CTNNA3: variants seen among roughly 807,000 people sequenced by gnomAD.
The protein encoded by CTNNA3 is catenin alpha-3.
CTNNA3 carries 76 observed loss-of-function variants against 95.7 expected under a neutral mutation model. That is an observed-to-expected ratio of 0.79 (90% CI 0.66 to 0.96). The LOEUF (loss-of-function observed/expected upper bound fraction) is 0.96, where lower values mean the gene tolerates loss of function less well. Ranked by LOEUF, CTNNA3 falls within the 40% of genes least tolerant of loss-of-function variation. CTNNA3 has a pLI of 0.00. For synonymous variants in CTNNA3, 431 were observed against 374.4 expected (o/e 1.15, Z -1.74); for missense variants, 1,191 against 1,089.8 (o/e 1.09, Z -1.31).
chr10:66,621,826 C>T (rs1345648859), intron 9 of CTNNA3, 42 bp from the exon 10 acceptor site: 2 of 1,248,144 alleles, frequency 1.6e-6, no homozygotes, highest in South Asian at 1.3e-5. Flanking sequence ...TTTAGATTAG[C>T]AAGGAAATGC....
At position 66,447,420 on chromosome 10, in the gene CTNNA3, G is replaced by A. The variant is rs28785479; in HGVS notation, c.1532-68068C>T. Among the ~76,000 whole-genome samples, 365 of 85,230 alleles carry A rather than the reference G, an allele frequency of 4.3e-3. 6 individuals carry two copies. Among genetic ancestry groups the A allele is most frequent in the African/African-American group, 7.1e-3 (125 of 17,724 alleles). The allele number at this position is 85,230 out of a possible 152,430, so 55.9% of individuals were successfully genotyped here. A position where few individuals can be genotyped will look rare whatever the true frequency, so the allele number is the denominator to read the frequency against. On this transcript the variant is annotated intron_variant, in intron 11 of 17. Coordinates refer to ENST00000433211, the MANE Select transcript of CTNNA3 (RefSeq NM_013266.4). ...GGAGGCATCACACTACCTGACTTCAGACTATACTCCAAGGCTACAGTAACC... is the reference window on the plus strand; with the variant it reads ...GGAGGCATCACACTACCTGACTTCAAACTATACTCCAAGGCTACAGTAACC...
At chr10:66,369,762 G>A (rs775613536) in intron 12 of CTNNA3, among the ~76,000 whole-genome samples, 3 of 151,916 alleles carry the variant, frequency 2.0e-5, no homozygotes, top group African/African-American at 2.4e-5. Flanking sequence ...TTGCTTTTAC[G>A]TCCATGAAGT....
chr10:66,123,199 T>G (rs1002651150), intron 13 of CTNNA3, among the ~76,000 whole-genome samples: 3 of 152,020 alleles, frequency 2.0e-5, no homozygotes, highest in Non-Finnish European at 4.4e-5. Context: ...ACAATGGAGG[T>G]TCAGGCATTG....
rs528040403 is a variant in CTNNA3 at position 66,932,115 on chromosome 10, C to T, written c.1048-156591G>A. On this transcript the variant is annotated intron_variant, in intron 7 of 17. Coordinates refer to ENST00000433211, the MANE Select transcript of CTNNA3 (RefSeq NM_013266.4). The stretch of plus-strand genomic sequence containing the variant: ...GCCTCAGCGCTTTCTCCCTCCCTCC[C>T]CCTTTTCAGCCAGCTGAACACTGGT... 7.0e-4 allele frequency among the ~76,000 whole-genome samples: 106 copies of T among 152,254 alleles called. 1 individual carries two copies. Among genetic ancestry groups the T allele is most frequent in the Non-Finnish European group, 1.3e-3 (88 of 68,028 alleles).
At chr10:66,790,443 C>G (rs571407247) in intron 7 of CTNNA3, among the ~76,000 whole-genome samples, 3 of 151,982 alleles carry the variant, frequency 2.0e-5, no homozygotes, top group Non-Finnish European at 4.4e-5. Flanking sequence ...GGCGACAGAA[C>G]AAGACTCTGT....
At chr10:67,730,493 C>T (rs1302428957) in intron 1 of CTNNA3, among the ~76,000 whole-genome samples, 3 of 152,082 alleles carry the variant, frequency 2.0e-5, no homozygotes, top group East Asian at 3.8e-4. Flanking sequence ...CTGGGGTACA[C>T]GCTTCTCTAA....
chr10:65,964,414 A>G (rs1391689720), intron 17 of CTNNA3, among the ~76,000 whole-genome samples: 1 of 152,212 alleles, frequency 6.6e-6, no homozygotes, highest in Non-Finnish European at 1.5e-5. Flanking sequence ...TCCTCATTTT[A>G]TATAATGACT....
At chr10:67,040,354 T>C (rs969786234) in intron 7 of CTNNA3, among the ~76,000 whole-genome samples, 1 of 152,070 alleles carries the variant, frequency 6.6e-6, no homozygotes, top group Non-Finnish European at 1.5e-5. Flanking sequence ...ACAACCTCAG[T>C]AGTAACTAGG....
At chr10:66,345,082 A>T (rs1214430415) in intron 12 of CTNNA3, among the ~76,000 whole-genome samples, 1 of 152,108 alleles carries the variant, frequency 6.6e-6, no homozygotes, top group Non-Finnish European at 1.5e-5. Context: ...AAGGTTTATC[A>T]TAAATTAGAA....
At chr10:66,281,138 G>A (rs1047467573) in intron 12 of CTNNA3, among the ~76,000 whole-genome samples, 1 of 151,618 alleles carries the variant, frequency 6.6e-6, no homozygotes, top group African/African-American at 2.4e-5. Context: ...CTTCCTTTTA[G>A]TAAGATGTTT....
chr10:67,523,644 A>G (rs1713568573), intron 4 of CTNNA3, among the ~76,000 whole-genome samples: 1 of 152,162 alleles, frequency 6.6e-6, no homozygotes, highest in African/African-American at 2.4e-5. Context: ...GACGTAAGAC[A>G]ATTTGAGTTG....
intron 7 of CTNNA3, among the ~76,000 whole-genome samples, chr10:66,807,168 T>C (rs1256893008): frequency 6.6e-6 from 1 of 151,956 alleles, no homozygotes; most frequent in Non-Finnish European, 1.5e-5. Flanking sequence ...GAGTTTTGGG[T>C]GCGCACTGTG....
chr10:66,947,930 G>A (rs903210353), intron 7 of CTNNA3, among the ~76,000 whole-genome samples: 1 of 152,160 alleles, frequency 6.6e-6, no homozygotes, highest in Non-Finnish European at 1.5e-5. Flanking sequence ...CTAGATGACA[G>A]TCTACTACAC....
intron 13 of CTNNA3, among the ~76,000 whole-genome samples, chr10:66,266,817 T>C (rs547165873): frequency 6.6e-6 from 1 of 152,228 alleles, no homozygotes; most frequent in South Asian, 2.1e-4. Context: ...TCATTATTAG[T>C]ATTACCTGTA....
chr10:66,181,832 C>T (rs537240912), intron 13 of CTNNA3, among the ~76,000 whole-genome samples: 3 of 152,272 alleles, frequency 2.0e-5, no homozygotes, highest in African/African-American at 7.2e-5. Context: ...TAATCAGTTA[C>T]ATTAAAGCCA....
intron 3 of CTNNA3, among the ~76,000 whole-genome samples, chr10:67,557,526 CT>C (rs78990599): frequency 0.13 from 19,635 of 152,104 alleles, 1,572 homozygotes; most frequent in East Asian, 0.31. Flanking sequence ...TTCTGCATAA[CT>C]TTTTCATTAT....
intron 12 of CTNNA3, among the ~76,000 whole-genome samples, chr10:66,358,617 C>T (rs189081098): frequency 6.6e-5 from 10 of 152,282 alleles, no homozygotes; most frequent in African/African-American, 2.2e-4. Flanking sequence ...AATCTACTCA[C>T]CTTTCTGCTC....
chr10:65,954,375 A>G (rs1452206331), intron 17 of CTNNA3, among the ~76,000 whole-genome samples: 2 of 152,112 alleles, frequency 1.3e-5, no homozygotes, highest in African/African-American at 4.8e-5. Context: ...TGCTGTGCAG[A>G]AGCTCTTTAG....
chr10:67,315,178 T>C (rs918721308), intron 5 of CTNNA3, among the ~76,000 whole-genome samples: 1 of 152,226 alleles, frequency 6.6e-6, no homozygotes, highest in Non-Finnish European at 1.5e-5. Flanking sequence ...CTCAAGTATG[T>C]ATCTTCAGCC....
Sources: gnomAD v4.1 joint callset for allele counts (sites outside exome capture counted in the v4.1 genomes callset) on GRCh38, gnomAD v4.1.1 for gene constraint, MANE v1.5 for transcripts, NCBI Gene and HGNC (gene_info 2026-07-23, HGNC 2026-07-21) for gene names.